The following RNF122 variants were observed in gnomAD, a reference collection of about 807,000 sequenced individuals.
The protein encoded by RNF122 is ring finger protein 122.
A neutral mutation model predicts 24.2 loss-of-function variants in RNF122; 17 were observed. The ratio of observed to expected loss-of-function variants is 0.70; its 90% CI spans 0.48 to 1.06. The LOEUF is 1.06. Ranked by LOEUF, RNF122 falls within the 50% of genes least tolerant of loss-of-function variation. RNF122 has a pLI of 0.00. For missense variants in RNF122, 168 were observed against 198.1 expected (o/e 0.85, Z 0.91); for synonymous variants, 65 against 71.8 (o/e 0.91, Z 0.48).
chr8:33,549,370 T>C (rs749165113), intron 5 of RNF122, 40 bp downstream of exon 5: 2 of 1,526,454 alleles, frequency 1.3e-6, no homozygotes, highest in Non-Finnish European at 1.8e-6. Flanking sequence ...TCCCTGATTA[T>C]TTCTCCTTCG....
intron 2 of RNF122, 144 bp from the exon 3 acceptor site, chr8:33,551,533 A>G (rs1422904262): frequency 3.8e-6 from 3 of 783,864 alleles, no homozygotes; most frequent in African/African-American, 1.7e-5. Context: ...CTTTGGACCT[A>G]TGCAAGCCAA....
intron 1 of RNF122, among the ~76,000 whole-genome samples, chr8:33,560,363 G>A (rs1257654716): frequency 6.6e-6 from 1 of 152,056 alleles, no homozygotes; most frequent in African/African-American, 2.4e-5. Flanking sequence ...AGATCTGCTG[G>A]AAAAGGAACT....
chr8:33,554,873 A>C (rs544441001), intron 2 of RNF122, among the ~76,000 whole-genome samples: 175 of 152,264 alleles, frequency 1.1e-3, no homozygotes, highest in Non-Finnish European at 2.4e-3. Flanking sequence ...GGGAAGAATG[A>C]GCGAGGGGCT....
Position 33,548,410 on chromosome 8 carries a change from G to C in RNF122, c.*343C>G, listed in dbSNP as rs1161487486. On this transcript the variant is annotated 3_prime_UTR_variant, in exon 6 of 6. Coordinates refer to ENST00000256257, the MANE Select transcript of RNF122 (RefSeq NM_024787.3). The stretch of plus-strand genomic sequence containing the variant: ...GTCAAGGCAGCTCATCCTCCTAATG[G>C]GAGCCTTGAAAGAGGACTTTCTCCA... The C allele has an allele frequency of 5.2e-6, 1 of 190,778 alleles. No homozygotes were observed. Among genetic ancestry groups the C allele is most frequent in the Non-Finnish European group, 1.1e-5 (1 of 91,820 alleles). The allele number at this position is 190,778 out of a possible 1,614,324, so 11.8% of individuals were successfully genotyped here. A position where few individuals can be genotyped will look rare whatever the true frequency, so the allele number is the denominator to read the frequency against.
chr8:33,556,745 C>A (rs529160520), intron 2 of RNF122, among the ~76,000 whole-genome samples: 1 of 152,280 alleles, frequency 6.6e-6, no homozygotes, highest in African/African-American at 2.4e-5. Context: ...TGGTTAGATG[C>A]AATCTTCAGA....
intron 1 of RNF122, among the ~76,000 whole-genome samples, chr8:33,566,249 A>C (rs55894413): frequency 0.62 from 94,406 of 152,072 alleles, 30,454 homozygotes; most frequent in African/African-American, 0.81. Context: ...CCCCGCGCCC[A>C]GTCCCGCACG....
At chr8:33,551,187 A>C (rs1406652945) in intron 3 of RNF122, 102 bp from the exon 4 acceptor site, 2 of 1,492,606 alleles carry the variant, frequency 1.3e-6, no homozygotes, top group African/African-American at 2.8e-5. Context: ...TGCCTGGGGC[A>C]AGCCGGACTT....
At chr8:33,556,642 A>C (rs1451146476) in intron 2 of RNF122, among the ~76,000 whole-genome samples, 2 of 152,210 alleles carry the variant, frequency 1.3e-5, no homozygotes, top group African/African-American at 4.8e-5. Flanking sequence ...GTTGGTGGTC[A>C]GGAAGAATTC....
At chr8:33,565,940 G>A (rs1341814918) in intron 1 of RNF122, among the ~76,000 whole-genome samples, 1 of 152,076 alleles carries the variant, frequency 6.6e-6, no homozygotes, top group Non-Finnish European at 1.5e-5. Context: ...TGCAATCTCC[G>A]CCTCCTGGGT....
At chr8:33,550,909 C>T (rs972909596) in intron 4 of RNF122, 135 bp downstream of exon 4, 18 of 794,408 alleles carry the variant, frequency 2.3e-5, no homozygotes, top group Middle Eastern at 2.9e-4. Context: ...AGATGTGTCT[C>T]CATTATTTGG....
Position 33,566,736 on chromosome 8 carries a change from G to C in RNF122, c.-13C>G, listed in dbSNP as rs1363250775. The C allele has an allele frequency of 2.5e-6, 4 of 1,603,752 alleles. No homozygotes were observed. The highest frequency in any genetic ancestry group is 1.7e-5 in the Admixed American group (1 of 58,236). On this transcript the variant is annotated 5_prime_UTR_variant, in exon 1 of 6. Coordinates refer to ENST00000256257, the MANE Select transcript of RNF122 (RefSeq NM_024787.3). ...GGAATGGGTGCATCAATGAAGTCGC[G>C]GTTGGCTTCCTCGGGCGAACGGACG... is the stretch of plus-strand genomic sequence containing the variant.
intron 1 of RNF122, among the ~76,000 whole-genome samples, chr8:33,562,386 T>C (rs972973123): frequency 2.6e-5 from 4 of 151,110 alleles, no homozygotes; most frequent in African/African-American, 9.7e-5. Context: ...ATAATAATAA[T>C]GATAAATTAG....
chr8:33,562,361 C>T (rs961237052), intron 1 of RNF122, among the ~76,000 whole-genome samples: 1 of 151,206 alleles, frequency 6.6e-6, no homozygotes, highest in Non-Finnish European at 1.5e-5. Flanking sequence ...CATAGTAAGA[C>T]CCCCACCTCT....
chr8:33,563,323 T>C (rs888363436), intron 1 of RNF122, among the ~76,000 whole-genome samples: 3 of 152,096 alleles, frequency 2.0e-5, no homozygotes, highest in African/African-American at 7.2e-5. Flanking sequence ...TTTGGGAAAA[T>C]TGCCCAGAAA....
rs1810314092 is a variant in RNF122, at chr8:33,548,121, A to C, written c.*632T>G. On this transcript the variant is annotated 3_prime_UTR_variant, in exon 6 of 6. Transcript: ENST00000256257. The stretch of plus-strand genomic sequence containing the variant: ...CTGAGGAAGAGACTGAATGGATAGC[A>C]CCGTGGGTCCTGGCAGGGGAAGGGC... The C allele has an allele frequency of 6.6e-6, 1 of 152,380 alleles. No homozygotes were observed. Among genetic ancestry groups the C allele is most frequent in the South Asian group, 2.1e-4 (1 of 4,820 alleles). The allele number at this position is 152,380 out of a possible 1,614,324, so 9.4% of individuals were successfully genotyped here. A position where few individuals can be genotyped will look rare whatever the true frequency, so the allele number is the denominator to read the frequency against.
At chr8:33,566,362 A>G (rs1174164079) in intron 1 of RNF122, among the ~76,000 whole-genome samples, 1 of 152,172 alleles carries the variant, frequency 6.6e-6, no homozygotes, top group Non-Finnish European at 1.5e-5. Flanking sequence ...TTCTCCTCCA[A>G]CAACCACAAC....
chr8:33,562,899 G>A (rs1810559882), intron 1 of RNF122, among the ~76,000 whole-genome samples: 1 of 152,062 alleles, frequency 6.6e-6, no homozygotes, highest in Non-Finnish European at 1.5e-5. Context: ...CTCTAGCCTG[G>A]GCAACAGAGA....
chr8:33,562,231 A>G (rs989161726), intron 1 of RNF122, among the ~76,000 whole-genome samples: 2 of 152,138 alleles, frequency 1.3e-5, no homozygotes, highest in Non-Finnish European at 2.9e-5. Context: ...ATTATATGGT[A>G]AGTACTATTA....
chr8:33,551,211 G>A, intron 3 of RNF122, 126 bp from the exon 4 acceptor site: 1 of 1,458,528 alleles, frequency 6.9e-7, no homozygotes, highest in South Asian at 1.1e-5. Flanking sequence ...ACACTGAAGG[G>A]GTTTAGCCTC....
Sources: gnomAD v4.1 joint callset for allele counts (sites outside exome capture counted in the v4.1 genomes callset) on GRCh38, gnomAD v4.1.1 for gene constraint, MANE v1.5 for transcripts, NCBI Gene and HGNC (gene_info 2026-07-23, HGNC 2026-07-21) for gene names.